AP4E1: variants seen among roughly 807,000 people sequenced by gnomAD.
AP4E1 encodes AP-4 complex subunit epsilon-1.
A neutral mutation model predicts 128.2 loss-of-function variants in AP4E1; 56 were observed. The observed-to-expected ratio is 0.44, with a 90% CI of 0.35 to 0.55. The LOEUF (loss-of-function observed/expected upper bound fraction) is 0.55. AP4E1 is among the 20% of genes least tolerant of loss of function. AP4E1 has a pLI of 0.00. For synonymous variants in AP4E1, 484 were observed against 473.1 expected (o/e 1.02, Z -0.30); for missense variants, 1,324 against 1,307.7 (o/e 1.01, Z -0.19).
intron 15 of AP4E1, among the ~76,000 whole-genome samples, chr15:50,975,224 G>A (rs1348525210): frequency 6.6e-6 from 1 of 152,132 alleles, no homozygotes; most frequent in Non-Finnish European, 1.5e-5. Context: ...AGACCAACAT[G>A]GAGATACCTC....
At chr15:50,969,288 C>T (rs1172676874) in intron 15 of AP4E1, among the ~76,000 whole-genome samples, 1 of 152,146 alleles carries the variant, frequency 6.6e-6, no homozygotes, top group Admixed American at 6.5e-5. Flanking sequence ...CATTAATTTG[C>T]TAAGGATGGC....
chr15:50,940,422 TG>T (rs1282236319), intron 8 of AP4E1, among the ~76,000 whole-genome samples: 4 of 152,320 alleles, frequency 2.6e-5, no homozygotes, highest in Admixed American at 2.0e-4. Context: ...AAAATTTATT[TG>T]TGCATTAATC....
chr15:50,937,551 A>T (rs1025846742), intron 8 of AP4E1, among the ~76,000 whole-genome samples: 2 of 152,216 alleles, frequency 1.3e-5, no homozygotes, highest in African/African-American at 4.8e-5. Context: ...TGTTCATGAA[A>T]GCTTAATACC....
chr15:50,976,387 A>C (rs997434447), intron 15 of AP4E1, among the ~76,000 whole-genome samples: 1 of 152,234 alleles, frequency 6.6e-6, no homozygotes, highest in African/African-American at 2.4e-5. Context: ...ATCTCAATAT[A>C]ATAAAGACCA....
In AP4E1 at chr15:50,908,720, C is replaced by G. The variant is rs982103605; in HGVS notation, c.-59C>G. The G allele has an allele frequency of 6.9e-7, 1 of 1,444,540 alleles. No individual in the cohort carries two copies. Among genetic ancestry groups the G allele is most frequent in the Non-Finnish European group, 9.1e-7 (1 of 1,101,646 alleles). 89.5% of individuals were successfully genotyped at this position (1,444,540 alleles called of 1,614,324 possible). On this transcript the variant is annotated 5_prime_UTR_variant, in exon 1 of 21. Transcript: ENST00000261842. ...GGCCGGGCCGGCAGCGGCGGCCGGG[C>G]ATGAAGCCGGGCGGCTACGGGATCG...
intron 3 of AP4E1, among the ~76,000 whole-genome samples, chr15:50,919,753 T>C (rs956943042): frequency 1.3e-4 from 20 of 151,926 alleles, no homozygotes; most frequent in African/African-American, 4.3e-4. Flanking sequence ...TTTTAATGTA[T>C]ATTATTGAGT....
In AP4E1 at chr15:50,949,899, C is replaced by A. The variant is rs1382189412; in HGVS notation, c.1390C>A (p.Pro464Thr). 1 of 1,613,724 alleles carries A rather than the reference C, an allele frequency of 6.2e-7. No individual in the cohort carries two copies. The highest frequency in any genetic ancestry group is 1.1e-5 in the South Asian group (1 of 91,074). ...VFSVGGDVMH[P>T]DIPNNFLRLL... ...TTCAGTAGGAGGAGATGTAATGCATCCTGATATTCCCAATAACTTTCTGAG... is the reference window on the plus strand; with the variant it reads ...TTCAGTAGGAGGAGATGTAATGCATACTGATATTCCCAATAACTTTCTGAG... The change falls in exon 12 of 21, where the codon CCT becomes ACT. Residue 464 changes from proline to threonine, a missense_variant. Transcript: ENST00000261842.
rs937354625 is a variant in AP4E1 at position 50,920,408 on chromosome 15, C to T, written c.347-3523C>T. 7.8e-4 allele frequency among the ~76,000 whole-genome samples: 114 copies of T among 146,712 alleles called. 1 individual carries two copies. The highest frequency in any genetic ancestry group is 1.2e-3 in the Non-Finnish European group (82 of 66,748). ...GATTACAGGCGTAAGCCACCGTGCC[C>T]GGCCTTCTTTTTTTTTTTTTGAGAC... is the stretch of plus-strand genomic sequence containing the variant. On this transcript the variant is annotated intron_variant, in intron 3 of 20. Transcript: ENST00000261842.
chr15:50,950,175 C>T lies in AP4E1; in HGVS notation c.1548+6C>T, dbSNP rs2064129698. 1.3e-6 allele frequency: 2 copies of T among 1,535,814 alleles called. No homozygotes were observed. Among genetic ancestry groups the T allele is most frequent in the African/African-American group, 1.4e-5 (1 of 73,220 alleles). ...TTCTTCAAGTTATGAGTTGGGTGAG[C>T]AAAGTACCTTAAATCATAAATTTTT... On this transcript the variant is annotated splice_donor_region_variant and intron_variant, in intron 13 of 20. Transcript: ENST00000261842.
chr15:50,987,585 T>C (rs555018435), intron 16 of AP4E1, among the ~76,000 whole-genome samples: 91 of 152,354 alleles, frequency 6.0e-4, no homozygotes, highest in Admixed American at 4.1e-3. Context: ...AGGAGCAGAT[T>C]GTTCAGTTTC....
intron 8 of AP4E1, among the ~76,000 whole-genome samples, chr15:50,939,425 CAAA>C (rs746927898): frequency 7.9e-6 from 1 of 126,802 alleles, no homozygotes; most frequent in Non-Finnish European, 1.7e-5. Context: ...GACTGCATCT[CAAA>C]AAAAAAAAAA....
At chr15:50,987,999 C>A (rs1212945028) in intron 16 of AP4E1, among the ~76,000 whole-genome samples, 1 of 151,984 alleles carries the variant, frequency 6.6e-6, no homozygotes, top group Admixed American at 6.6e-5. Context: ...AGAATTTATA[C>A]ATCCAGGCTG....
chr15:50,984,200 G>A, intron 16 of AP4E1, 55 bp downstream of exon 16: 2 of 1,603,804 alleles, frequency 1.2e-6, no homozygotes, highest in South Asian at 1.1e-5. Context: ...ATGTCTTTTA[G>A]CGTTCCATTT....
At chr15:51,000,933 A>T in intron 19 of AP4E1, 93 bp from the exon 20 acceptor site, 1 of 1,040,632 alleles carries the variant, frequency 9.6e-7, no homozygotes, top group Non-Finnish European at 1.5e-6. Flanking sequence ...ATTTACAATG[A>T]TTATGTTTTA....
chr15:50,964,229 T>C (rs2064357483), intron 14 of AP4E1, among the ~76,000 whole-genome samples: 1 of 152,224 alleles, frequency 6.6e-6, no homozygotes, highest in Non-Finnish European at 1.5e-5. Flanking sequence ...AAGACATGTC[T>C]TCAAATTTGG....
At chr15:50,921,882 G>A in intron 3 of AP4E1, among the ~76,000 whole-genome samples, 1 of 151,988 alleles carries the variant, frequency 6.6e-6, no homozygotes, top group East Asian at 1.9e-4. Context: ...AAACAGTTGG[G>A]ATATTATTCA....
chr15:50,995,958 T>C (rs1368024671), intron 17 of AP4E1, among the ~76,000 whole-genome samples: 2 of 146,156 alleles, frequency 1.4e-5, no homozygotes, highest in Non-Finnish European at 3.0e-5. Flanking sequence ...TGGGGGACAG[T>C]AACAAGCAGT....
chr15:50,958,865 C>T (rs1486407963), intron 14 of AP4E1, 71 bp downstream of exon 14: 22 of 1,466,118 alleles, frequency 1.5e-5, no homozygotes, highest in Non-Finnish European at 1.9e-6. Flanking sequence ...GCATTTGTGA[C>T]ATATCAGGAA....
chr15:50,944,643 G>T, intron 10 of AP4E1: 1 of 344,394 alleles, frequency 2.9e-6, no homozygotes, highest in Non-Finnish European at 5.3e-6. Context: ...GTGGAGTCCG[G>T]CCAGAAGAGC....
Sources: allele counts gnomAD v4.1 joint callset (sites outside exome capture counted in the v4.1 genomes callset), GRCh38; gene constraint gnomAD v4.1.1; transcripts MANE v1.5; gene names NCBI Gene and HGNC (gene_info 2026-07-23, HGNC 2026-07-21).